The following PITX3 variants were observed in gnomAD, a reference collection of about 807,000 sequenced individuals.
PITX3 encodes paired like homeodomain 3, also known as pituitary homeobox 3.
Under a neutral mutation model 14.2 loss-of-function variants are expected in PITX3, and 4 were observed. The observed-to-expected ratio is 0.28, with a 90% CI of 0.14 to 0.65. The LOEUF is 0.65. Among genes scored for constraint, PITX3 ranks in the 30% least tolerant of loss-of-function variants. The pLI, the probability that PITX3 is intolerant of heterozygous loss-of-function variation, is 0.82. For missense variants in PITX3, 358 were observed against 426.8 expected (o/e 0.84, Z 1.42); for synonymous variants, 194 against 204.5 (o/e 0.95, Z 0.44).
intron 1 of PITX3, among the ~76,000 whole-genome samples, chr10:102,237,007 A>C (rs2070411039): frequency 6.6e-6 from 1 of 152,220 alleles, no homozygotes; most frequent in Non-Finnish European, 1.5e-5. Flanking sequence ...ATTTGCAGCA[A>C]AGATTTGAAG....
chr10:102,230,757 G>A lies in PITX3; in HGVS notation c.666C>T (p.Pro222=), dbSNP rs1487852441. 15 of 1,493,278 alleles carry A rather than the reference G, an allele frequency of 1.0e-5. No homozygotes were observed. The highest frequency in any genetic ancestry group is 2.6e-5 in the East Asian group (1 of 37,776). 92.5% of individuals were successfully genotyped at this position (1,493,278 alleles called of 1,614,324 possible). The change falls in exon 4 of 4, where the codon CCC becomes CCT. Residue 222 remains proline (P), a synonymous_variant. Transcript: ENST00000370002. ...PGALQGLGGG[P]PGLAPAAVSS... Reference sequence around the variant, plus strand: ...ACACGGCGGCCGGAGCCAGCCCGGGGGGGCCCCCGCCCAGGCCCTGCAGGG... The same window carrying A: ...ACACGGCGGCCGGAGCCAGCCCGGGAGGGCCCCCGCCCAGGCCCTGCAGGG...
intron 1 of PITX3, among the ~76,000 whole-genome samples, chr10:102,233,777 C>T (rs2070316645): frequency 6.6e-6 from 1 of 152,242 alleles, no homozygotes; most frequent in African/African-American, 2.4e-5. Context: ...AAGCCTGCTC[C>T]AGGCCATAGG....
At position 102,230,758 on chromosome 10, in the gene PITX3, G is replaced by A; in HGVS notation, c.665C>T (p.Pro222Leu). ...PGALQGLGGG[P>L]PGLAPAAVSS... ...CACGGCGGCCGGAGCCAGCCCGGGG[G>A]GGCCCCCGCCCAGGCCCTGCAGGGC... Residue 222 changes from proline to leucine, a missense_variant, in exon 4 of 4, where the codon CCC becomes CTC. Physicochemically the swap from Pro to Leu is moderately conservative, Grantham distance 98. Transcript: ENST00000370002. 2 of 1,492,760 alleles carry A rather than the reference G, an allele frequency of 1.3e-6. No individual in the cohort carries two copies. Among genetic ancestry groups the A allele is most frequent in the Non-Finnish European group, 1.8e-6 (2 of 1,125,342 alleles). The allele number at this position is 1,492,760 out of a possible 1,614,324, so 92.5% of individuals were successfully genotyped here. A position where few individuals can be genotyped will look rare whatever the true frequency, so the allele number is the denominator to read the frequency against.
intron 1 of PITX3, among the ~76,000 whole-genome samples, chr10:102,239,797 G>T (rs897158168): frequency 3.9e-5 from 6 of 152,232 alleles, no homozygotes; most frequent in Non-Finnish European, 7.3e-5. Flanking sequence ...GCTGTGGTTA[G>T]AATTGGGGTC....
At position 102,231,032 on chromosome 10, in the gene PITX3, C is replaced by A; in HGVS notation, c.391G>T (p.Gly131Cys). The A allele has an allele frequency of 6.3e-7, 1 of 1,596,566 alleles. No individual in the cohort carries two copies. Among genetic ancestry groups the A allele is most frequent in the Non-Finnish European group, 8.5e-7 (1 of 1,172,632 alleles). ...CCCCCGAGCGGCGCCGCGAAGCTGC[C>A]TTTGCATAGCTCGGCCTGCTGGCTG... The part of the protein sequence containing the change: ...ERSQQAELCK[G>C]SFAAPLGGLV... Residue 131 changes from glycine to cysteine, a missense_variant, in exon 4 of 4, where the codon GGC (glycine) becomes TGC (cysteine). By Grantham distance (159) the Gly-to-Cys change is radical. Transcript: ENST00000370002.
At chr10:102,232,138 T>G in intron 1 of PITX3, 46 bp from the exon 2 acceptor site, 1 of 1,097,182 alleles carries the variant, frequency 9.1e-7, no homozygotes, top group Non-Finnish European at 1.4e-6. Flanking sequence ...GGGTAAAATC[T>G]CCGGCTTAGC....
chr10:102,237,897 C>G (rs2070441859), intron 1 of PITX3, among the ~76,000 whole-genome samples: 1 of 151,934 alleles, frequency 6.6e-6, no homozygotes, highest in South Asian at 2.1e-4. Context: ...GCCCACCCCA[C>G]TATGAGAAGC....
intron 1 of PITX3, among the ~76,000 whole-genome samples, chr10:102,240,950 C>T (rs186975074): frequency 2.2e-4 from 34 of 152,324 alleles, no homozygotes; most frequent in Admixed American, 1.4e-3. Context: ...GGGGGCCGCC[C>T]CGCCAGCTCC....
At chr10:102,232,693 A>G (rs1048961471) in intron 1 of PITX3, among the ~76,000 whole-genome samples, 1 of 147,378 alleles carries the variant, frequency 6.8e-6, no homozygotes, top group East Asian at 2.0e-4. Flanking sequence ...AAAAACAACA[A>G]CAACAAAATC....
Position 102,230,228 on chromosome 10 carries a change from G to C in PITX3, c.*286C>G. 4.5e-6 allele frequency: 2 copies of C among 445,600 alleles called. No homozygotes were observed. Among genetic ancestry groups the C allele is most frequent in the Non-Finnish European group, 8.0e-6 (2 of 250,268 alleles). 27.6% of individuals were successfully genotyped at this position (445,600 alleles called of 1,614,324 possible). Reference sequence around the variant, plus strand: ...GTTTATTTCATTTATCTTTGAAAACGAGGGAGGGGAAGCCTGGAGAAGGCG... The same window carrying C: ...GTTTATTTCATTTATCTTTGAAAACCAGGGAGGGGAAGCCTGGAGAAGGCG... On this transcript the variant is annotated 3_prime_UTR_variant, in exon 4 of 4. Coordinates refer to ENST00000370002, the MANE Select transcript of PITX3 (RefSeq NM_005029.4).
At chr10:102,238,070 G>A (rs1256882699) in intron 1 of PITX3, among the ~76,000 whole-genome samples, 1 of 152,094 alleles carries the variant, frequency 6.6e-6, no homozygotes, top group African/African-American at 2.4e-5. Context: ...AAGGCCCCGG[G>A]GCAGGACAAT....
At chr10:102,237,254 C>A (rs1030484973) in intron 1 of PITX3, among the ~76,000 whole-genome samples, 1 of 152,066 alleles carries the variant, frequency 6.6e-6, no homozygotes, top group East Asian at 1.9e-4. Flanking sequence ...GAGAGGGAAG[C>A]CCATGGAAGG....
chr10:102,240,497 C>G (rs2070505443), intron 1 of PITX3, among the ~76,000 whole-genome samples: 1 of 152,258 alleles, frequency 6.6e-6, no homozygotes, highest in Non-Finnish European at 1.5e-5. Context: ...AGGTGACCCA[C>G]CGCAGCCGAC....
intron 1 of PITX3, among the ~76,000 whole-genome samples, chr10:102,235,166 T>TCACCCCCCCCCCCCC (rs2070352277): frequency 1.7e-5 from 1 of 59,034 alleles, no homozygotes. Context: ...TTATTACCCT[T>TCACCCCCCCCCCCCC]CCCCCACCCC....
intron 3 of PITX3, 108 bp downstream of exon 3, chr10:102,231,480 T>C: frequency 1.4e-6 from 1 of 704,762 alleles, no homozygotes; most frequent in Non-Finnish European, 2.3e-6. Flanking sequence ...GGGTCCGGGG[T>C]CCGGGGTCCG....
intron 1 of PITX3, among the ~76,000 whole-genome samples, chr10:102,236,642 C>A (rs1469019690): frequency 6.6e-6 from 1 of 152,160 alleles, no homozygotes; most frequent in East Asian, 1.9e-4. Context: ...AGTGGGGAGG[C>A]CATGGTTTCC....
chr10:102,230,336 G>A lies in PITX3; in HGVS notation c.*178C>T. 2 of 954,832 alleles carry A rather than the reference G, an allele frequency of 2.1e-6. No individual in the cohort carries two copies. The highest frequency in any genetic ancestry group is 3.0e-6 in the Non-Finnish European group (2 of 661,980). The allele number at this position is 954,832 out of a possible 1,614,324, so 59.1% of individuals were successfully genotyped here. ...CCCAGGGGCGCGGTCTGTGTGTAGG[G>A]CCTAGTCCACCCCTCAGGGCTGGGA... is the stretch of plus-strand genomic sequence containing the variant. On this transcript the variant is annotated 3_prime_UTR_variant, in exon 4 of 4. Coordinates refer to ENST00000370002, the MANE Select transcript of PITX3 (RefSeq NM_005029.4).
intron 1 of PITX3, among the ~76,000 whole-genome samples, chr10:102,240,658 T>G (rs1045551482): frequency 6.6e-6 from 1 of 152,198 alleles, no homozygotes; most frequent in Non-Finnish European, 1.5e-5. Flanking sequence ...CCGAGCCCCA[T>G]GCACCGCGGA....
chr10:102,230,772 G>C lies in PITX3; in HGVS notation c.651C>G (p.Gly217=), dbSNP rs1459079311. ...CCAGCCCGGGGGGGCCCCCGCCCAGGCCCTGCAGGGCCCCAGGCCCTGGCA... is the reference window on the plus strand; with the variant it reads ...CCAGCCCGGGGGGGCCCCCGCCCAGCCCCTGCAGGGCCCCAGGCCCTGGCA... ...GTVPGPGALQ[G]LGGGPPGLAP... The change falls in exon 4 of 4, where the codon GGC becomes GGG. Residue 217 remains glycine (G), a synonymous_variant. Transcript: ENST00000370002. The C allele has an allele frequency of 6.5e-7, 1 of 1,530,674 alleles. No individual in the cohort carries two copies. Among genetic ancestry groups the C allele is most frequent in the Non-Finnish European group, 8.8e-7 (1 of 1,139,144 alleles). The allele number at this position is 1,530,674 out of a possible 1,614,324, so 94.8% of individuals were successfully genotyped here.
Sources: gnomAD v4.1 joint callset for allele counts (sites outside exome capture counted in the v4.1 genomes callset) on GRCh38, gnomAD v4.1.1 for gene constraint, MANE v1.5 for transcripts, NCBI Gene and HGNC (gene_info 2026-07-23, HGNC 2026-07-21) for gene names.